LRRC71: variants seen among roughly 807,000 people sequenced by gnomAD.
LRRC71 encodes leucine-rich repeat-containing protein 71.
Under a neutral mutation model 66.6 loss-of-function variants are expected in LRRC71, and 54 were observed. The observed-to-expected ratio is 0.81, with a 90% CI of 0.65 to 1.02. The LOEUF (loss-of-function observed/expected upper bound fraction) is 1.02. Ranked by LOEUF, LRRC71 falls within the 50% of genes least tolerant of loss-of-function variation. LRRC71 has a pLI of 0.00. For missense variants in LRRC71, 724 were observed against 718.0 expected (o/e 1.01, Z -0.10); for synonymous variants, 323 against 303.9 (o/e 1.06, Z -0.65).
In LRRC71 at chr1:156,931,944, A is replaced by G. The variant is rs760148045; in HGVS notation, c.1358A>G (p.Asn453Ser). 5 of 1,593,664 alleles carry G rather than the reference A, an allele frequency of 3.1e-6. No individual in the cohort carries two copies. In the Admixed American group the frequency reaches 5.2e-5, roughly 17 times the overall value. ...GTTGTTGAGGCTACTGAGGTGGTCA[A>G]CCCTCTCCTGGAGCCTGTGGAGCAC... ...ELVVEATEVV[N>S]PLLEPVEHRD... Residue 453 changes from asparagine to serine, a missense_variant, in exon 13 of 15, where the codon AAC (asparagine) becomes AGC (serine). By Grantham distance (46) the Asn-to-Ser change is conservative. Coordinates refer to ENST00000337428, the MANE Select transcript of LRRC71 (RefSeq NM_144702.3).
chr1:156,939,755 G>A, the LRRC71 span: 18 of 1,613,904 alleles, frequency 1.1e-5, no homozygotes, highest in South Asian at 1.6e-4. Context: ...CCCCCAGGGG[G>A]TGCTTGCCCT....
Position 156,927,914 on chromosome 1 carries a change from G to T in LRRC71, c.907-1G>T. ...GACCGCTGAGCGCCCGCCTCCTTCA[G>T]GTCCTGCGCGCCTTCGAGCTGACAC... On this transcript the variant is annotated splice_acceptor_variant, in intron 8 of 14. Transcript: ENST00000337428. LOFTEE classifies it high-confidence loss of function. The T allele has an allele frequency of 1.2e-6, 2 of 1,611,552 alleles. No individual in the cohort carries two copies. The highest frequency in any genetic ancestry group is 1.7e-6 in the Non-Finnish European group (2 of 1,179,044).
At chr1:156,934,954 ATTATATATATAT>A (rs1030790450), downstream of LRRC71, 2 of 148,184 alleles carry the variant, frequency 1.3e-5, no homozygotes, top group Non-Finnish European at 3.0e-5. Flanking sequence ...TATTTTATAT[ATTATATATATAT>A]TTATATATAT....
In LRRC71 at chr1:156,927,623, A is replaced by T; in HGVS notation, c.790A>T (p.Ile264Phe). The T allele has an allele frequency of 6.2e-7, 1 of 1,603,678 alleles. No individual in the cohort carries two copies. Among genetic ancestry groups the T allele is most frequent in the East Asian group, 2.2e-5 (1 of 44,744 alleles). ...CTCGCTCAACCTGGGTTTCAACCAC[A>T]TCGGTGACGAGGGCGCAGGCTACAT... ...LVSLNLGFNH[I>F]GDEGAGYIAD... Residue 264 changes from isoleucine (I) to phenylalanine (F), a missense_variant, in exon 7 of 15, where the codon ATC becomes TTC. By Grantham distance (21) the Ile-to-Phe change is conservative. Coordinates refer to ENST00000337428, the MANE Select transcript of LRRC71 (RefSeq NM_144702.3).
At chr1:156,937,163 C>T (rs974557917), downstream of LRRC71, 29 of 1,589,544 alleles carry the variant, frequency 1.8e-5, no homozygotes, top group Admixed American at 5.2e-5. Flanking sequence ...CTAGGGCTCC[C>T]GCGAAGACAC....
rs912095521 is a variant in LRRC71 at position 156,929,862 on chromosome 1, T to C, written c.1240+133T>C. The C allele has an allele frequency of 1.7e-5, 12 of 713,014 alleles. No homozygotes were observed. In the African/African-American group the frequency reaches 2.0e-4, roughly 12 times the overall value. The allele number at this position is 713,014 out of a possible 1,614,324, so 44.2% of individuals were successfully genotyped here. A position where few individuals can be genotyped will look rare whatever the true frequency, so the allele number is the denominator to read the frequency against. ...TCTCGCCATGCCCCTCTGGGCTTGA[T>C]TTCCTTCTCACAGTGGGATGATGTG... On this transcript the variant is annotated intron_variant, in intron 11 of 14. Coordinates refer to ENST00000337428, the MANE Select transcript of LRRC71 (RefSeq NM_144702.3).
At position 156,929,620 on chromosome 1, in the gene LRRC71, C is replaced by G. The variant is rs1255865153; in HGVS notation, c.1147-16C>G. On this transcript the variant is annotated splice_polypyrimidine_tract_variant and intron_variant, in intron 10 of 14. Coordinates refer to ENST00000337428, the MANE Select transcript of LRRC71 (RefSeq NM_144702.3). ...CGGAGGTGGGACTTGCCCCTCTCTTCTCACATTCTCCACAGGAATTGGCCA... is the reference window on the plus strand; with the variant it reads ...CGGAGGTGGGACTTGCCCCTCTCTTGTCACATTCTCCACAGGAATTGGCCA... 1 of 1,572,760 alleles carries G rather than the reference C, an allele frequency of 6.4e-7. No individual in the cohort carries two copies.
At chr1:156,937,281 C>G, downstream of LRRC71, 1 of 1,613,948 alleles carries the variant, frequency 6.2e-7, no homozygotes. Context: ...GTGAGCTGCT[C>G]AATGGTATGG....
At chr1:156,924,817 C>A in intron 4 of LRRC71, 99 bp downstream of exon 4, 2 of 1,232,404 alleles carry the variant, frequency 1.6e-6, no homozygotes, top group Non-Finnish European at 2.3e-6. Context: ...ACCCTGGCGA[C>A]GGTGGGGAGG....
At position 156,929,294 on chromosome 1, in the gene LRRC71, A is replaced by AC. The variant is rs776045262; in HGVS notation, c.1012dup (p.His338ProfsTer9). On this transcript the variant is annotated frameshift_variant, in exon 10 of 15. Coordinates refer to ENST00000337428, the MANE Select transcript of LRRC71 (RefSeq NM_144702.3). LOFTEE classifies it high-confidence loss of function. ...TGTGAGCACAGCCCTCCTCCTCTCG[A>AC]CACGGGGACTCCAAAACGGACCGTG... 8.2e-5 allele frequency: 132 copies of AC among 1,605,680 alleles called. No homozygotes were observed. In the Middle Eastern group the frequency reaches 1.2e-3, roughly 14 times the overall value.
downstream of LRRC71, chr1:156,936,307 C>A: frequency 1.5e-6 from 1 of 667,970 alleles, no homozygotes; most frequent in Non-Finnish European, 2.9e-6. Flanking sequence ...GTGTCCCTGG[C>A]CCACCCAGTG....
At chr1:156,939,301 C>A in the LRRC71 span, 62 of 555,436 alleles carry the variant, frequency 1.1e-4, no homozygotes, top group African/African-American at 9.4e-4. Context: ...AAACAAAGTT[C>A]AGAGATGATT....
chr1:156,937,032 G>C, downstream of LRRC71: 1 of 1,606,842 alleles, frequency 6.2e-7, no homozygotes. Context: ...GGGAATGTCT[G>C]CTCGAGTCCT....
chr1:156,926,302 G>A (rs539148216), intron 5 of LRRC71, among the ~76,000 whole-genome samples: 6 of 152,250 alleles, frequency 3.9e-5, no homozygotes, highest in East Asian at 1.9e-4. Context: ...TTGAGGTTGC[G>A]GTACAGCTGC....
At chr1:156,924,353 C>A in intron 2 of LRRC71, 71 bp from the exon 3 acceptor site, 2 of 1,509,696 alleles carry the variant, frequency 1.3e-6, no homozygotes, top group Non-Finnish European at 8.9e-7. Flanking sequence ...CCCACCCGGG[C>A]ACCCGTGGGC....
downstream of LRRC71, chr1:156,934,730 G>C (rs1214234342): frequency 6.6e-6 from 1 of 151,696 alleles, no homozygotes; most frequent in Admixed American, 6.6e-5. Context: ...TCTGGGTCTG[G>C]GGGTGAGAGG....
At chr1:156,924,764 G>T in intron 4 of LRRC71, 46 bp downstream of exon 4, 1 of 1,546,660 alleles carries the variant, frequency 6.5e-7, no homozygotes, top group Non-Finnish European at 8.8e-7. Flanking sequence ...GTGGGAGTTG[G>T]GGCTCCTGGT....
chr1:156,920,811 G>T lies in LRRC71; in HGVS notation c.8G>T (p.Ser3Ile). Reference sequence around the variant, plus strand: ...GCTGCGGACAACACCAGCATGTCGAGCGAGCAGAGCGCGCCGGGGGCCTCA... The same window carrying T: ...GCTGCGGACAACACCAGCATGTCGATCGAGCAGAGCGCGCCGGGGGCCTCA... MS[S>I]EQSAPGASPR... Residue 3 changes from serine to isoleucine, a missense_variant, in exon 1 of 15, where the codon AGC becomes ATC. Physicochemically the swap from Ser to Ile is moderately radical, Grantham distance 142. Transcript: ENST00000337428. The surrounding 1 kb of genome is among the most constrained non-coding windows in gnomAD (Gnocchi z 4.9). 1 of 1,523,854 alleles carries T rather than the reference G, an allele frequency of 6.6e-7. No individual in the cohort carries two copies. The highest frequency in any genetic ancestry group is 8.8e-7 in the Non-Finnish European group (1 of 1,134,054). 94.4% of individuals were successfully genotyped at this position (1,523,854 alleles called of 1,614,324 possible).
At chr1:156,925,736 C>A (rs1653095600) in intron 5 of LRRC71, among the ~76,000 whole-genome samples, 1 of 152,216 alleles carries the variant, frequency 6.6e-6, no homozygotes, top group Non-Finnish European at 1.5e-5. Context: ...CTTCTTGCTT[C>A]ATGGTGGCGG....
Sources: gnomAD v4.1 joint callset for allele counts (sites outside exome capture counted in the v4.1 genomes callset) on GRCh38, gnomAD v4.1.1 for gene constraint, Gnocchi (gnomAD v3.1) non-coding constraint, MANE v1.5 for transcripts, NCBI Gene and HGNC (gene_info 2026-07-23, HGNC 2026-07-21) for gene names.